The following ATP8B4 variants were observed in gnomAD, a reference collection of about 807,000 sequenced individuals.
The protein encoded by ATP8B4 is probable phospholipid-transporting ATPase IM.
A neutral mutation model predicts 145.6 loss-of-function variants in ATP8B4; 133 were observed. That is an observed-to-expected ratio of 0.91 (90% CI 0.79 to 1.05). The LOEUF (loss-of-function observed/expected upper bound fraction) is 1.05. ATP8B4 is among the 50% of genes least tolerant of loss of function. The pLI, the probability that ATP8B4 is intolerant of heterozygous loss-of-function variation, is 0.00. For missense variants in ATP8B4, 1,458 were observed against 1,425.2 expected, an observed-to-expected ratio of 1.02 and a Z score of -0.37; for synonymous variants, 507 against 492.9, an observed-to-expected ratio of 1.03 and a Z score of -0.38.
At chr15:50,135,269 T>C (rs557759114) in intron 1 of ATP8B4, among the ~76,000 whole-genome samples, 44 of 152,332 alleles carry the variant, frequency 2.9e-4, no homozygotes, top group Non-Finnish European at 5.0e-4. Context: ...ATTCAGCTTG[T>C]AGGTTGATAA....
intron 6 of ATP8B4, among the ~76,000 whole-genome samples, chr15:50,036,087 G>A (rs2050814378): frequency 6.6e-6 from 1 of 152,198 alleles, no homozygotes; most frequent in African/African-American, 2.4e-5. Flanking sequence ...ATTGCCATGG[G>A]CTTAATCATG....
chr15:49,897,658 T>A (rs1012922085), intron 22 of ATP8B4, 143 bp from the exon 23 acceptor site: 2 of 711,846 alleles, frequency 2.8e-6, no homozygotes, highest in Non-Finnish European at 4.2e-6. Context: ...GAAACACTTA[T>A]GATAGATATT....
At chr15:50,110,709 T>C (rs1474112623) in intron 1 of ATP8B4, among the ~76,000 whole-genome samples, 1 of 152,226 alleles carries the variant, frequency 6.6e-6, no homozygotes, top group Non-Finnish European at 1.5e-5. Flanking sequence ...AGTCTTATGT[T>C]ACCCTTAGCT....
At chr15:50,061,008 A>C (rs182222650) in intron 3 of ATP8B4, among the ~76,000 whole-genome samples, 82 of 152,252 alleles carry the variant, frequency 5.4e-4, no homozygotes, top group Non-Finnish European at 3.1e-4. Context: ...TGCACTAGAG[A>C]CTATGAACTT....
intron 20 of ATP8B4, among the ~76,000 whole-genome samples, chr15:49,916,136 T>G (rs1261809204): frequency 6.6e-6 from 1 of 152,052 alleles, no homozygotes; most frequent in Non-Finnish European, 1.5e-5. Context: ...CAAGCAAAAA[T>G]TGTTATAAGA....
chr15:50,009,974 A>C (rs1055949530), intron 7 of ATP8B4, among the ~76,000 whole-genome samples: 3 of 152,172 alleles, frequency 2.0e-5, no homozygotes, highest in African/African-American at 7.2e-5. Flanking sequence ...TTCAGTATAC[A>C]CAGATGGTGC....
intron 3 of ATP8B4, among the ~76,000 whole-genome samples, chr15:50,052,525 T>C (rs1278455531): frequency 2.6e-5 from 4 of 152,168 alleles, no homozygotes; most frequent in African/African-American, 9.7e-5. Context: ...AAAATGTGCT[T>C]CCAAGAGGGA....
intron 2 of ATP8B4, among the ~76,000 whole-genome samples, chr15:50,088,275 T>C (rs2055352113): frequency 6.6e-6 from 1 of 151,666 alleles, no homozygotes; most frequent in Non-Finnish European, 1.5e-5. Flanking sequence ...CCCAGCTACT[T>C]GGGAAGAATT....
At chr15:50,118,717 A>G (rs1373430159) in intron 1 of ATP8B4, among the ~76,000 whole-genome samples, 1 of 152,224 alleles carries the variant, frequency 6.6e-6, no homozygotes, top group Non-Finnish European at 1.5e-5. Flanking sequence ...TCTAAAGCAT[A>G]AATTGACCAT....
At chr15:50,156,930 A>T (rs1249354076) in intron 1 of ATP8B4, among the ~76,000 whole-genome samples, 1 of 152,212 alleles carries the variant, frequency 6.6e-6, no homozygotes, top group Non-Finnish European at 1.5e-5. Flanking sequence ...TGTATCTACC[A>T]TTTAGTGTGT....
At chr15:50,105,769 A>G (rs1403492227) in intron 2 of ATP8B4, among the ~76,000 whole-genome samples, 1 of 152,196 alleles carries the variant, frequency 6.6e-6, no homozygotes, top group African/African-American at 2.4e-5. Flanking sequence ...ATACATATAC[A>G]TATGAATTAC....
chr15:49,881,887 T>C (rs2035476852), intron 23 of ATP8B4, among the ~76,000 whole-genome samples: 1 of 152,216 alleles, frequency 6.6e-6, no homozygotes, highest in Non-Finnish European at 1.5e-5. Flanking sequence ...GGGAATGACT[T>C]GTCAAGATCA....
At chr15:49,909,722 C>CAAAAAAAAA (rs995336781) in intron 20 of ATP8B4, among the ~76,000 whole-genome samples, 1 of 72,024 alleles carries the variant, frequency 1.4e-5, no homozygotes, top group Non-Finnish European at 2.7e-5. Context: ...CTTTGTTTAC[C>CAAAAAAAAA]AAAAAAAAAA....
intron 1 of ATP8B4, among the ~76,000 whole-genome samples, chr15:50,153,513 A>C (rs1420402541): frequency 6.6e-6 from 1 of 152,014 alleles, no homozygotes; most frequent in Non-Finnish European, 1.5e-5. Context: ...TAATTTTTGT[A>C]TTTTTAGTAG....
intron 1 of ATP8B4, among the ~76,000 whole-genome samples, chr15:50,178,449 C>G (rs866418053): frequency 6.6e-6 from 1 of 152,184 alleles, no homozygotes; most frequent in African/African-American, 2.4e-5. Context: ...AAAACCCAGA[C>G]AAAAGTTGCA....
intron 21 of ATP8B4, among the ~76,000 whole-genome samples, chr15:49,899,048 C>G (rs187148520): frequency 6.6e-6 from 1 of 152,150 alleles, no homozygotes; most frequent in Non-Finnish European, 1.5e-5. Flanking sequence ...TTGAGTGAAT[C>G]TTTAGCAAGA....
chr15:50,091,155 T>G (rs1053878301), intron 2 of ATP8B4, among the ~76,000 whole-genome samples: 5 of 152,148 alleles, frequency 3.3e-5, no homozygotes, highest in Non-Finnish European at 7.4e-5. Context: ...ATTTTTATAT[T>G]GGGAAGTTCT....
At chr15:50,085,497 T>C (rs1188697320) in intron 2 of ATP8B4, among the ~76,000 whole-genome samples, 1 of 151,938 alleles carries the variant, frequency 6.6e-6, no homozygotes, top group Non-Finnish European at 1.5e-5. Context: ...GGAATGCAGA[T>C]CCACGCAGTG....
At chr15:49,895,137 A>G (rs992401994) in intron 23 of ATP8B4, 45 of 152,276 alleles carry the variant, frequency 3.0e-4, no homozygotes, top group African/African-American at 1.0e-3. Flanking sequence ...GAAAAATTCA[A>G]CTGGGGGAGA....
Sources: allele counts gnomAD v4.1 joint callset (sites outside exome capture counted in the v4.1 genomes callset), GRCh38; gene constraint gnomAD v4.1.1; transcripts MANE v1.5; gene names NCBI Gene and HGNC (gene_info 2026-07-23, HGNC 2026-07-21).